Variants in SLC49A3 observed in about 807,000 individuals in gnomAD.
SLC49A3 encodes the protein solute carrier family 49 member A3.
A neutral mutation model predicts 43.8 loss-of-function variants in SLC49A3; 50 were observed. The ratio of observed to expected loss-of-function variants is 1.14; its 90% CI spans 0.91 to 1.45. The LOEUF is 1.45. Among genes scored for constraint, SLC49A3 ranks in the 40% most tolerant of loss-of-function variants. The pLI is 0.00. For missense variants in SLC49A3, 906 were observed against 774.1 expected (o/e 1.17, Z -2.02); for synonymous variants, 413 against 352.0 (o/e 1.17, Z -1.94).
chr4:684,456 G>C (rs371534407), intron 6 of SLC49A3, 27 bp downstream of exon 6: 29 of 1,610,632 alleles, frequency 1.8e-5, no homozygotes, highest in Non-Finnish European at 2.1e-5. Flanking sequence ...ACAGAGGCAG[G>C]GTCCCCAGGG....
downstream of SLC49A3, chr4:677,035 G>A (rs1251583819): frequency 5.0e-6 from 3 of 598,822 alleles, no homozygotes; most frequent in African/African-American, 4.0e-5. Context: ...TGCAGACACG[G>A]TGGCGCCCCC....
chr4:682,213 TC>T lies in SLC49A3; in HGVS notation c.1424del (p.Gly475GlufsTer24), dbSNP rs1469444317. ...ADSGPGVDRG[G>X]AGRAGVLGPS... ...GCCCCAGGACCCCAGCCCTTCCTGC[TC>T]CCCCTCGGTCCACACCCGGCCCTGA... On this transcript the variant is annotated frameshift_variant, in exon 10 of 10. Coordinates refer to ENST00000322224, the MANE Select transcript of SLC49A3 (RefSeq NM_032219.4). LOFTEE classifies it low-confidence loss of function (END_TRUNC). The T allele has an allele frequency of 2.9e-6, 4 of 1,367,602 alleles. No individual in the cohort carries two copies. The highest frequency in any genetic ancestry group is 3.7e-5 in the South Asian group (2 of 54,584). 84.7% of individuals were successfully genotyped at this position (1,367,602 alleles called of 1,614,324 possible).
chr4:680,552 G>C, downstream of SLC49A3: 1 of 1,613,576 alleles, frequency 6.2e-7, no homozygotes, highest in Middle Eastern at 1.7e-4. Context: ...TCAAGATGCT[G>C]GACCCGGACG....
In SLC49A3 at chr4:685,883, A is replaced by G. The variant is rs1740906075; in HGVS notation, c.537T>C (p.Asn179=). 4.3e-6 allele frequency: 7 copies of G among 1,613,866 alleles called. No homozygotes were observed. Among genetic ancestry groups the G allele is most frequent in the Non-Finnish European group, 5.9e-6 (7 of 1,180,018 alleles). ...MSNPLGVLVA[N]VLSPVLVKKG... is the part of the protein sequence containing the mutation. Reference sequence around the variant, plus strand: ...TCTTGACCAGCACAGGGGACAGCACATTGGCCACAAGGACGCCCAGAGGGT... The same window carrying G: ...TCTTGACCAGCACAGGGGACAGCACGTTGGCCACAAGGACGCCCAGAGGGT... The change falls in exon 4 of 10, where the codon AAT becomes AAC. Residue 179 remains asparagine (N), a synonymous_variant. Coordinates refer to ENST00000322224, the MANE Select transcript of SLC49A3 (RefSeq NM_032219.4). The surrounding 1 kb of genome is among the most constrained non-coding windows in gnomAD (Gnocchi z 4.3).
In SLC49A3 at chr4:685,262, GC is replaced by G. The variant is rs1407775187; in HGVS notation, c.586-407del. Among the ~76,000 whole-genome samples, 4 of 152,036 alleles carry G rather than the reference GC, an allele frequency of 2.6e-5. No individual in the cohort carries two copies. The highest frequency in any genetic ancestry group is 7.3e-5 in the African/African-American group (3 of 41,360). ...CACACCACCCGCACCTGATACACAT[GC>G]ACGAGCACACACAGGTACACACCAC... is the stretch of plus-strand genomic sequence containing the variant. On this transcript the variant is annotated intron_variant, in intron 4 of 9. Coordinates refer to ENST00000322224, the MANE Select transcript of SLC49A3 (RefSeq NM_032219.4). The surrounding 1 kb of genome is among the most constrained non-coding windows in gnomAD (Gnocchi z 4.3).
chr4:685,722 GACGGGAATCACAC>G lies in SLC49A3; in HGVS notation c.585+100_585+112del. The G allele has an allele frequency of 2.6e-6, 3 of 1,152,002 alleles. No individual in the cohort carries two copies. The highest frequency in any genetic ancestry group is 2.5e-6 in the Non-Finnish European group (2 of 790,804). The allele number at this position is 1,152,002 out of a possible 1,614,324, so 71.4% of individuals were successfully genotyped here. The stretch of plus-strand genomic sequence containing the variant: ...CTCCTTCTCGGGTGGCGGGGCGGGG[GACGGGAATCACAC>G]ACGGGCACAGGAACACGGACACACT... On this transcript the variant is annotated intron_variant, in intron 4 of 9. Transcript: ENST00000322224. This position sits in a 1 kb window ranked among gnomAD's most constrained non-coding sequence, Gnocchi z 4.3.
At chr4:678,774 T>C (rs1739120335), downstream of SLC49A3, 1 of 1,608,822 alleles carries the variant, frequency 6.2e-7, no homozygotes, top group Non-Finnish European at 8.5e-7. Flanking sequence ...AGGTGAGACT[T>C]TCCTGCTTCA....
chr4:678,192 G>C, downstream of SLC49A3: 1 of 1,526,134 alleles, frequency 6.6e-7, no homozygotes, highest in Non-Finnish European at 8.8e-7. Context: ...GCGTGTGTAT[G>C]TGCGTGTGTG....
At chr4:690,728 A>G (rs1237092013), upstream of SLC49A3, among the ~76,000 whole-genome samples, 1 of 152,166 alleles carries the variant, frequency 6.6e-6, no homozygotes, top group Non-Finnish European at 1.5e-5. Flanking sequence ...CGGGGCAGCC[A>G]CTGTAGCTAC....
chr4:689,212 G>A (rs1741636666), upstream of SLC49A3: 9 of 1,049,446 alleles, frequency 8.6e-6, no homozygotes, highest in South Asian at 3.5e-4. Context: ...ACCGCCTGCG[G>A]GCGGAGGTGG....
chr4:677,009 C>G, downstream of SLC49A3: 2 of 864,278 alleles, frequency 2.3e-6, no homozygotes, highest in Non-Finnish European at 2.8e-6. Context: ...GCAAGTGGCA[C>G]CTGTCTTTTT....
chr4:685,912 C>T lies in SLC49A3; in HGVS notation c.509-1G>A, dbSNP rs749803353. On this transcript the variant is annotated splice_acceptor_variant, in intron 3 of 9. Coordinates refer to ENST00000322224, the MANE Select transcript of SLC49A3 (RefSeq NM_032219.4). LOFTEE classifies it high-confidence loss of function. The surrounding 1 kb of genome is among the most constrained non-coding windows in gnomAD (Gnocchi z 4.3). ...GCCACAAGGACGCCCAGAGGGTTCG[C>T]TGGGTGGGCGGATGCACAAAGTGTC... 1 of 1,613,926 alleles carries T rather than the reference C, an allele frequency of 6.2e-7. No individual in the cohort carries two copies. The highest frequency in any genetic ancestry group is 1.1e-5 in the South Asian group (1 of 91,078).
chr4:681,802 C>A (rs1490826848), downstream of SLC49A3: 1 of 1,245,328 alleles, frequency 8.0e-7, no homozygotes, highest in Non-Finnish European at 1.0e-6. Context: ...CCCCCTCCCG[C>A]GGCGCAGAAA....
Position 686,158 on chromosome 4 carries a change from G to T in SLC49A3, c.439C>A (p.Pro147Thr), listed in dbSNP as rs1273687773. The T allele has an allele frequency of 6.2e-7, 1 of 1,613,382 alleles. No homozygotes were observed. The highest frequency in any genetic ancestry group is 1.7e-5 in the Admixed American group (1 of 60,024). Residue 147 changes from proline (P) to threonine (T), a missense_variant, in exon 3 of 10, where the codon CCA becomes ACA. By Grantham distance (38) the Pro-to-Thr change is conservative (BLOSUM62 -1). Transcript: ENST00000322224. ...ALAQSLVIFSPAKLAALWFPE... is the reference protein window; with the variant it reads ...ALAQSLVIFSTAKLAALWFPE... Reference sequence around the variant, plus strand: ...AACCACAAGGCAGCCAGCTTGGCTGGAGAGAAGATGACCAGGCTCTGGGCA... The same window carrying T: ...AACCACAAGGCAGCCAGCTTGGCTGTAGAGAAGATGACCAGGCTCTGGGCA...
At chr4:687,568 G>A (rs554978484) in intron 1 of SLC49A3, among the ~76,000 whole-genome samples, 9 of 152,320 alleles carry the variant, frequency 5.9e-5, no homozygotes, top group Non-Finnish European at 1.0e-4. Flanking sequence ...CGAGCCCGCC[G>A]CTCCAGCCTC....
rs954436336 is a variant in SLC49A3 at position 683,620 on chromosome 4, G to C, written c.982C>G (p.Pro328Ala). 1 of 1,611,394 alleles carries C rather than the reference G, an allele frequency of 6.2e-7. No homozygotes were observed. Among genetic ancestry groups the C allele is most frequent in the Non-Finnish European group, 8.5e-7 (1 of 1,179,228 alleles). Residue 328 changes from proline to alanine, a missense_variant, in exon 7 of 10, where the codon CCC becomes GCC. By Grantham distance (27) the Pro-to-Ala change is conservative. Coordinates refer to ENST00000322224, the MANE Select transcript of SLC49A3 (RefSeq NM_032219.4). ...GAGGAGACCCTCACCAGGGCAAAGGGCACGCAGGCCAGAGAGAACAGGCAC... is the reference window on the plus strand; with the variant it reads ...GAGGAGACCCTCACCAGGGCAAAGGCCACGCAGGCCAGAGAGAACAGGCAC... The part of the protein sequence containing the change: ...GLCLFSLACV[P>A]FALVSQLQGQ...
At chr4:680,547 A>C (rs73792337), downstream of SLC49A3, 3,252 of 1,613,518 alleles carry the variant, frequency 2.0e-3, 67 homozygotes, top group African/African-American at 0.037. Flanking sequence ...CGCCTTCAAG[A>C]TGCTGGACCC....
Position 686,297 on chromosome 4 carries a change from G to A in SLC49A3, c.300C>T (p.Ile100=). The stretch of plus-strand genomic sequence containing the variant: ...CGGCAAAGTTCAGCCACGCACCCAG[G>A]ATGGTCTGCGAGGAGGGGGTCGGGG... The part of the protein sequence containing the change: ...LDSVGLRAAT[I]LGAWLNFAGS... The change falls in exon 3 of 10, where the codon ATC becomes ATT. Residue 100 remains isoleucine (I), a synonymous_variant. Transcript: ENST00000322224. The A allele has an allele frequency of 6.2e-7, 1 of 1,613,118 alleles. No homozygotes were observed. The highest frequency in any genetic ancestry group is 8.5e-7 in the Non-Finnish European group (1 of 1,179,968).
chr4:689,195 G>T, upstream of SLC49A3: 5 of 1,148,986 alleles, frequency 4.4e-6, no homozygotes, highest in South Asian at 7.7e-5. Context: ...TTCCCGCGTG[G>T]GCCGGGACCG....
Sources: allele counts gnomAD v4.1 joint callset (sites outside exome capture counted in the v4.1 genomes callset), GRCh38; gene constraint gnomAD v4.1.1; non-coding constraint Gnocchi (gnomAD v3.1); transcripts MANE v1.5; gene names NCBI Gene and HGNC (gene_info 2026-07-23, HGNC 2026-07-21).